Variants in PKD2L2 observed in about 807,000 individuals in gnomAD.
PKD2L2 encodes polycystin-2-like protein 2.
In PKD2L2, 67 loss-of-function variants were observed where a neutral mutation model predicts 83.9. That is an observed-to-expected ratio of 0.80 (90% CI 0.66 to 0.98). PKD2L2 has a LOEUF of 0.98. PKD2L2 is among the 50% of genes least tolerant of loss of function. The pLI, the probability that PKD2L2 is intolerant of heterozygous loss-of-function variation, is 0.00. For missense variants in PKD2L2, 632 were observed against 717.2 expected (o/e 0.88, Z 1.36); for synonymous variants, 223 against 237.8 (o/e 0.94, Z 0.57).
intron 4 of PKD2L2, among the ~76,000 whole-genome samples, chr5:137,897,827 G>A (rs1266192066): frequency 6.6e-6 from 1 of 152,076 alleles, no homozygotes; most frequent in Non-Finnish European, 1.5e-5. Context: ...AGTAGAACAG[G>A]TTTAAGCAGT....
At chr5:137,914,939 T>C (rs758319998) in intron 8 of PKD2L2, among the ~76,000 whole-genome samples, 2 of 152,240 alleles carry the variant, frequency 1.3e-5, no homozygotes, top group Admixed American at 6.5e-5. Context: ...GATTTGTGTA[T>C]GTTGAACCAT....
At chr5:137,930,121 CAATAT>C (rs1374264964) in intron 12 of PKD2L2, among the ~76,000 whole-genome samples, 1 of 151,978 alleles carries the variant, frequency 6.6e-6, no homozygotes. Flanking sequence ...AAGCCCAAAA[CAATAT>C]AATAAATAAG....
At chr5:137,912,673 G>C (rs1473021647) in intron 8 of PKD2L2, among the ~76,000 whole-genome samples, 2 of 151,076 alleles carry the variant, frequency 1.3e-5, no homozygotes, top group African/African-American at 2.4e-5. Flanking sequence ...GGCCTAACTT[G>C]CATTTTCCTG....
intron 14 of PKD2L2, chr5:137,938,347 T>C (rs1328241436): frequency 6.6e-6 from 1 of 152,628 alleles, no homozygotes; most frequent in East Asian, 1.9e-4. Context: ...ATTTAAATAG[T>C]GCATATGGAC....
chr5:137,917,272 C>A (rs1206663865), intron 8 of PKD2L2, among the ~76,000 whole-genome samples: 1 of 148,824 alleles, frequency 6.7e-6, no homozygotes, highest in East Asian at 2.0e-4. Flanking sequence ...TCAAGCAATT[C>A]TCCTGTCTCA....
chr5:137,900,362 T>C (rs1262798511), intron 5 of PKD2L2, among the ~76,000 whole-genome samples: 1 of 152,222 alleles, frequency 6.6e-6, no homozygotes, highest in Non-Finnish European at 1.5e-5. Context: ...TCGTATTTAG[T>C]GCAATATCAT....
At chr5:137,914,787 T>C (rs566783165) in intron 8 of PKD2L2, among the ~76,000 whole-genome samples, 2 of 152,336 alleles carry the variant, frequency 1.3e-5, no homozygotes, top group South Asian at 2.1e-4. Context: ...GCCTTTATTA[T>C]GTTAAGGGAC....
chr5:137,927,887 G>A (rs1020533237), intron 12 of PKD2L2, among the ~76,000 whole-genome samples: 12 of 152,044 alleles, frequency 7.9e-5, no homozygotes, highest in Non-Finnish European at 1.3e-4. Flanking sequence ...AAATCAGGCC[G>A]GGTGCGGTGG....
intron 13 of PKD2L2, 49 bp from the exon 14 acceptor site, chr5:137,936,271 A>G (rs140116774): frequency 2.5e-4 from 373 of 1,480,544 alleles, no homozygotes; most frequent in Non-Finnish European, 3.0e-4. Flanking sequence ...CTGTCTATAC[A>G]TGAAAGTTTA....
At chr5:137,936,966 A>G (rs760759482) in intron 14 of PKD2L2, among the ~76,000 whole-genome samples, 1 of 152,218 alleles carries the variant, frequency 6.6e-6, no homozygotes, top group Non-Finnish European at 1.5e-5. Flanking sequence ...GTTTATTATC[A>G]AATTCTAGAA....
chr5:137,937,759 C>G (rs1195714217), intron 14 of PKD2L2, among the ~76,000 whole-genome samples: 1 of 152,182 alleles, frequency 6.6e-6, no homozygotes, highest in East Asian at 1.9e-4. Flanking sequence ...CCTAGATCTG[C>G]ACAAGGGAAT....
At chr5:137,893,530 T>C (rs1642742782) in intron 3 of PKD2L2, among the ~76,000 whole-genome samples, 1 of 152,186 alleles carries the variant, frequency 6.6e-6, no homozygotes, top group South Asian at 2.1e-4. Flanking sequence ...GACAATTTAG[T>C]TGCATTTTGA....
intron 14 of PKD2L2, chr5:137,938,477 C>T (rs754032099): frequency 6.1e-4 from 93 of 152,702 alleles, no homozygotes; most frequent in Admixed American, 2.0e-3. Flanking sequence ...ATGTACACTG[C>T]ATGATGGATT....
intron 12 of PKD2L2, among the ~76,000 whole-genome samples, chr5:137,929,534 C>CAAAAAAAAAAA: frequency 8.7e-4 from 3 of 3,438 alleles, no homozygotes; most frequent in Non-Finnish European, 1.4e-3. Context: ...ACAAAATTGC[C>CAAAAAAAAAAA]AAAAAAAAAA....
In PKD2L2 at chr5:137,940,430, C is replaced by T. The variant is rs577887036; in HGVS notation, c.*18-1954C>T. On this transcript the variant is annotated intron_variant, in intron 14 of 14. Coordinates refer to ENST00000508883, the MANE Select transcript of PKD2L2 (RefSeq NM_001300921.2). ...AAAAGTTGTCTTAATATGAGACATA[C>T]TGTTACTAAACATAAGTTCAAATAA... 4 of 826,342 alleles carry T rather than the reference C, an allele frequency of 4.8e-6. No homozygotes were observed. In the East Asian group the frequency reaches 1.0e-4, roughly 21 times the overall value. 51.2% of individuals were successfully genotyped at this position (826,342 alleles called of 1,614,324 possible).
At chr5:137,925,785 G>A in intron 11 of PKD2L2, 90 bp from the exon 12 acceptor site, 1 of 664,658 alleles carries the variant, frequency 1.5e-6, no homozygotes, top group Non-Finnish European at 2.6e-6. Context: ...ATATTATTCA[G>A]ATCCTTACTA....
At chr5:137,930,295 A>G (rs1759758183) in intron 12 of PKD2L2, among the ~76,000 whole-genome samples, 1 of 152,210 alleles carries the variant, frequency 6.6e-6, no homozygotes, top group African/African-American at 2.4e-5. Flanking sequence ...ACAACATAAT[A>G]AAAATGTTAG....
intron 14 of PKD2L2, chr5:137,939,870 C>G: frequency 7.6e-7 from 1 of 1,321,972 alleles, no homozygotes; most frequent in Non-Finnish European, 9.6e-7. Flanking sequence ...TAATGAGAAA[C>G]AAAAAGTTGG....
At chr5:137,925,513 T>C (rs1759307187) in intron 11 of PKD2L2, among the ~76,000 whole-genome samples, 1 of 152,192 alleles carries the variant, frequency 6.6e-6, no homozygotes, top group Admixed American at 6.5e-5. Flanking sequence ...CTAAAAAGGT[T>C]AGAAACAATT....
Sources: gnomAD v4.1 joint callset for allele counts (sites outside exome capture counted in the v4.1 genomes callset) on GRCh38, gnomAD v4.1.1 for gene constraint, MANE v1.5 for transcripts, NCBI Gene and HGNC (gene_info 2026-07-23, HGNC 2026-07-21) for gene names.